Variants in CATSPER2 observed in about 807,000 individuals in gnomAD.
CATSPER2 encodes the protein cation channel sperm-associated protein 2.
In CATSPER2, 56 loss-of-function variants were observed where a neutral mutation model predicts 68.8. That is an observed-to-expected ratio of 0.81 (90% confidence interval 0.66 to 1.02). The LOEUF (loss-of-function observed/expected upper bound fraction) is 1.02. Ranked by LOEUF, CATSPER2 falls within the 50% of genes least tolerant of loss-of-function variation. The pLI is 0.00. For synonymous variants in CATSPER2, 198 were observed against 229.9 expected, an observed-to-expected ratio of 0.86 and a Z score of 1.26; for missense variants, 582 against 642.0, an observed-to-expected ratio of 0.91 and a Z score of 1.01.
Position 43,630,675 on chromosome 15 carries a change from C to T in CATSPER2, c.*26G>A. The T allele has an allele frequency of 6.2e-7, 1 of 1,610,464 alleles. No individual in the cohort carries two copies. Among genetic ancestry groups the T allele is most frequent in the Non-Finnish European group, 8.5e-7 (1 of 1,178,996 alleles). On this transcript the variant is annotated 3_prime_UTR_variant, in exon 13 of 13. Coordinates refer to ENST00000396879, the MANE Select transcript of CATSPER2 (RefSeq NM_172095.4). ...TCCCTTCATTATCTTTTGCTGGGCC[C>T]AAGGATATTGAAGCCATCCATTGCT...
intron 7 of CATSPER2, among the ~76,000 whole-genome samples, chr15:43,636,622 C>A (rs1311519466): frequency 6.6e-6 from 1 of 151,498 alleles, no homozygotes; most frequent in Non-Finnish European, 1.5e-5. Flanking sequence ...AACTCCTGAC[C>A]TAAGGTGATC....
Position 43,635,401 on chromosome 15 carries a change from T to C in CATSPER2, c.1137A>G (p.Ser379=), listed in dbSNP as rs2085945615. 6.2e-7 allele frequency: 1 copy of C among 1,608,966 alleles called. No homozygotes were observed. The highest frequency in any genetic ancestry group is 8.5e-7 in the Non-Finnish European group (1 of 1,179,288). Reference sequence around the variant, plus strand: ...TATGGCTTGACGTCAGTGCTTCATGTGACATGTTTTTTCTCCTGCAGAGCA... The same window carrying C: ...TATGGCTTGACGTCAGTGCTTCATGCGACATGTTTTTTCTCCTGCAGAGCA... ...RQIIQRRKNM[S]HEALTSSHSK... is the part of the protein sequence containing the mutation. Residue 379 remains serine, a synonymous_variant, in exon 10 of 13, where the codon TCA becomes TCG. Coordinates refer to ENST00000396879, the MANE Select transcript of CATSPER2 (RefSeq NM_172095.4).
chr15:43,638,977 C>G lies in CATSPER2; in HGVS notation c.769G>C (p.Val257Leu). ...TCTGAGAAGACGTAGACACCAGTCA[C>G]AGCAAAAATGTAGAAGAAGATGAGC... The part of the protein sequence containing the change: ...LLLIFFYIFA[V>L]TGVYVFSEYT... The change falls in exon 7 of 13, where the codon GTG becomes CTG. Residue 257 changes from valine to leucine, a missense_variant. Physicochemically the swap from Val to Leu is conservative, Grantham distance 32. Coordinates refer to ENST00000396879, the MANE Select transcript of CATSPER2 (RefSeq NM_172095.4). The G allele has an allele frequency of 1.9e-6, 3 of 1,613,152 alleles. No individual in the cohort carries two copies. Among genetic ancestry groups the G allele is most frequent in the South Asian group, 1.1e-5 (1 of 91,032 alleles).
chr15:43,639,721 C>T lies in CATSPER2; in HGVS notation c.639G>A (p.Arg213=). Residue 213 remains arginine, a synonymous_variant, in exon 6 of 13, where the codon CGG becomes CGA. Coordinates refer to ENST00000396879, the MANE Select transcript of CATSPER2 (RefSeq NM_172095.4). ...CAAGGAGTTTGAGAGACCTCAGCAC[C>T]CGGCAGATCCTCAGAAGCTGAAGCC... ...SVWLQLLRIC[R]VLRSLKLLAQ... 1 of 1,612,950 alleles carries T rather than the reference C, an allele frequency of 6.2e-7. No homozygotes were observed. Among genetic ancestry groups the T allele is most frequent in the Non-Finnish European group, 8.5e-7 (1 of 1,179,540 alleles).
chr15:43,644,366 A>G (rs1237602685), intron 4 of CATSPER2, among the ~76,000 whole-genome samples: 17 of 152,018 alleles, frequency 1.1e-4, no homozygotes, highest in Admixed American at 1.0e-3. Flanking sequence ...GGAGCTTGCC[A>G]GGTAATTTCT....
At chr15:43,648,851 C>T, upstream of CATSPER2, 1 of 1,525,738 alleles carries the variant, frequency 6.6e-7, no homozygotes, top group Non-Finnish European at 8.8e-7. Flanking sequence ...CAACGCTCGC[C>T]CAGCCACTCG....
intron 10 of CATSPER2, chr15:43,633,835 C>T (rs3099047): frequency 0.39 from 59,680 of 151,364 alleles, 15,135 homozygotes; most frequent in African/African-American, 0.71. Flanking sequence ...CGGACACCTG[C>T]AGTCCCAGCT....
Position 43,647,092 on chromosome 15 carries a change from A to T in CATSPER2, c.346T>A (p.Phe116Ile), listed in dbSNP as rs1382836931. ...ATGATCGTATTCAAAAAGACCAGGA[A>T]GATGATGAAGTTTTTGAAGAGAGGA... ...ECPLFKNFII[F>I]LVFLNTIILM... Residue 116 changes from phenylalanine (F) to isoleucine (I), a missense_variant, in exon 4 of 13, where the codon TTC becomes ATC. Coordinates refer to ENST00000396879, the MANE Select transcript of CATSPER2 (RefSeq NM_172095.4). 13 of 1,612,930 alleles carry T rather than the reference A, an allele frequency of 8.1e-6. No individual in the cohort carries two copies. The highest frequency in any genetic ancestry group is 1.6e-4 in the Middle Eastern group (1 of 6,082).
At chr15:43,647,259 C>T (rs1194298781) in intron 3 of CATSPER2, 35 bp downstream of exon 3, 3 of 1,591,496 alleles carry the variant, frequency 1.9e-6, no homozygotes, top group East Asian at 2.2e-5. Context: ...AGATGATCAA[C>T]AGCCAGGATA....
In CATSPER2 at chr15:43,629,488, T is replaced by C. The variant is rs1765870854; in HGVS notation, c.*1213A>G. 7.4e-6 allele frequency: 1 copy of C among 135,142 alleles called. No individual in the cohort carries two copies. The highest frequency in any genetic ancestry group is 7.3e-5 in the Admixed American group (1 of 13,706). 8.4% of individuals were successfully genotyped at this position (135,142 alleles called of 1,614,324 possible). A position where few individuals can be genotyped will look rare whatever the true frequency, so the allele number is the denominator to read the frequency against. ...TGAAATATGCATACTCTATATACAG[T>C]ATATATATACTAAATATATAAATAA... On this transcript the variant is annotated 3_prime_UTR_variant, in exon 13 of 13. Coordinates refer to ENST00000396879, the MANE Select transcript of CATSPER2 (RefSeq NM_172095.4).
rs12595401 is a variant in CATSPER2, at chr15:43,639,484, C to T, written c.717+159G>A. ...GTTTCACCATGTTGGTCAGGCTGGT[C>T]TCGAACTCCTGACCTCATGACCCAT... is the stretch of plus-strand genomic sequence containing the variant. On this transcript the variant is annotated intron_variant, in intron 6 of 12. Transcript: ENST00000396879. The T allele has an allele frequency of 0.012, 10,376 of 840,296 alleles. 889 individuals carry two copies. In the Admixed American group the frequency reaches 0.17, roughly 14 times the overall value. The allele number at this position is 840,296 out of a possible 1,614,324, so 52.1% of individuals were successfully genotyped here.
At chr15:43,636,356 GT>G (rs1407914812) in intron 7 of CATSPER2, 137 bp from the exon 8 acceptor site, 3 of 1,188,248 alleles carry the variant, frequency 2.5e-6, no homozygotes, top group Non-Finnish European at 3.6e-6. Context: ...ACCATACTCA[GT>G]TTTTAGCTAA....
At chr15:43,630,844 A>G in intron 12 of CATSPER2, 112 bp from the exon 13 acceptor site, 2 of 1,597,240 alleles carry the variant, frequency 1.3e-6, no homozygotes, top group South Asian at 2.2e-5. Flanking sequence ...AGTCTTTACT[A>G]ATCTTTAAAT....
intron 2 of CATSPER2, 58 bp from the exon 3 acceptor site, chr15:43,647,525 G>C: frequency 3.3e-6 from 5 of 1,536,668 alleles, no homozygotes; most frequent in Non-Finnish European, 4.5e-6. Flanking sequence ...GACCAGGTAG[G>C]GTTGGGGGCA....
At chr15:43,640,169 G>A (rs948582916) in intron 5 of CATSPER2, 155 bp downstream of exon 5, 21 of 1,542,354 alleles carry the variant, frequency 1.4e-5, no homozygotes, top group Non-Finnish European at 1.8e-5. Context: ...AACAACTCCT[G>A]CAATGATTGA....
At position 43,638,894 on chromosome 15, in the gene CATSPER2, C is replaced by T. The variant is rs376418301; in HGVS notation, c.842+10G>A. The T allele has an allele frequency of 3.7e-5, 60 of 1,612,768 alleles. No individual in the cohort carries two copies. In the East Asian group the frequency reaches 1.3e-3, roughly 36 times the overall value. On this transcript the variant is annotated intron_variant, in intron 7 of 12. Coordinates refer to ENST00000396879, the MANE Select transcript of CATSPER2 (RefSeq NM_172095.4). ...TCTCCCCTCACCCAGCTGTCCCCAG[C>T]TCTGCTTACGAGAAGAACACATGGT...
In CATSPER2 at chr15:43,640,506, T is replaced by C. The variant is rs759054585; in HGVS notation, c.389-10A>G. 6.2e-6 allele frequency: 10 copies of C among 1,613,010 alleles called. No homozygotes were observed. The highest frequency in any genetic ancestry group is 8.5e-6 in the Non-Finnish European group (10 of 1,179,354). ...GTGGATTCCAGCAATTCTGTGAAGATAGAGCAAAGGAGGAATAAAAGTTAA... is the reference window on the plus strand; with the variant it reads ...GTGGATTCCAGCAATTCTGTGAAGACAGAGCAAAGGAGGAATAAAAGTTAA... On this transcript the variant is annotated splice_polypyrimidine_tract_variant and intron_variant, in intron 4 of 12. Transcript: ENST00000396879.
chr15:43,646,859 C>T (rs766233362), intron 4 of CATSPER2, among the ~76,000 whole-genome samples, 191 bp downstream of exon 4: 10 of 151,496 alleles, frequency 6.6e-5, no homozygotes, highest in Non-Finnish European at 1.3e-4. Flanking sequence ...GGACTACAAG[C>T]GCGTGCTACC....
rs1293815387 is a variant in CATSPER2, at chr15:43,647,413, A to C, written c.200T>G (p.Phe67Cys). Reference sequence around the variant, plus strand: ...TTCTATACGCTGAGGCTTTATAGAGAAACGCACTAGCTGGTGTTGATCTCC... The same window carrying C: ...TTCTATACGCTGAGGCTTTATAGAGCAACGCACTAGCTGGTGTTGATCTCC... The part of the protein sequence containing the change: ...VLGDQHQLVR[F>C]SIKPQRIEQI... Residue 67 changes from phenylalanine (F) to cysteine (C), a missense_variant, in exon 3 of 13, where the codon TTC becomes TGC. By Grantham distance (205) the Phe-to-Cys change is radical. Transcript: ENST00000396879. 3 of 1,613,500 alleles carry C rather than the reference A, an allele frequency of 1.9e-6. No individual in the cohort carries two copies. The Middle Eastern group carries it at 5.0e-4, about 269-fold the overall frequency.
Sources: allele counts gnomAD v4.1 joint callset (sites outside exome capture counted in the v4.1 genomes callset), GRCh38; gene constraint gnomAD v4.1.1; transcripts MANE v1.5; gene names NCBI Gene and HGNC (gene_info 2026-07-23, HGNC 2026-07-21).